The following PRORP variants were observed in gnomAD, a reference collection of about 807,000 sequenced individuals.
PRORP encodes mitochondrial ribonuclease P catalytic subunit.
In PRORP, 51 loss-of-function variants were observed where a neutral mutation model predicts 59.4. The ratio of observed to expected loss-of-function variants is 0.86; its 90% CI spans 0.69 to 1.08. The LOEUF (loss-of-function observed/expected upper bound fraction) is 1.08. Among genes scored for constraint, PRORP ranks in the 50% least tolerant of loss-of-function variants. PRORP has a pLI of 0.00. For synonymous variants in PRORP, 231 were observed against 245.6 expected (o/e 0.94, Z 0.55); for missense variants, 646 against 690.3 (o/e 0.94, Z 0.72).
chr14:35,181,701 C>T (rs1363999056), intron 5 of PRORP, among the ~76,000 whole-genome samples: 1 of 147,644 alleles, frequency 6.8e-6, no homozygotes, highest in African/African-American at 2.5e-5. Flanking sequence ...AGGAGAATTG[C>T]TTGAACCTGG....
At chr14:35,181,222 GT>G (rs923479076) in intron 5 of PRORP, among the ~76,000 whole-genome samples, 45 of 150,732 alleles carry the variant, frequency 3.0e-4, no homozygotes, top group African/African-American at 9.8e-4. Context: ...AACCTAAGCA[GT>G]TTTTTTTTCT....
rs1001938597 is a variant in PRORP at position 35,211,810 on chromosome 14, G to A, written c.1275+31033G>A. On this transcript the variant is annotated intron_variant, in intron 5 of 7. Coordinates refer to ENST00000534898, the MANE Select transcript of PRORP (RefSeq NM_014672.4). ...TGCTGACAGTTGGGGTGGCTGTGGC[G>A]ATTTCTTAAAGATAACAATGAAATT... is the stretch of plus-strand genomic sequence containing the variant. Among the ~76,000 whole-genome samples the A allele has an allele frequency of 1.2e-4, 19 of 152,144 alleles. 1 individual carries two copies. Among genetic ancestry groups the A allele is most frequent in the Non-Finnish European group, 2.2e-4 (15 of 68,000 alleles).
At chr14:35,178,591 C>T (rs529224672) in intron 4 of PRORP, among the ~76,000 whole-genome samples, 1 of 152,180 alleles carries the variant, frequency 6.6e-6, no homozygotes, top group East Asian at 1.9e-4. Context: ...TTTCCATTTG[C>T]TTGGTAGATC....
At chr14:35,256,019 T>C (rs1050683834) in intron 5 of PRORP, among the ~76,000 whole-genome samples, 25 of 151,818 alleles carry the variant, frequency 1.6e-4, no homozygotes, top group Admixed American at 1.2e-3. Flanking sequence ...GGCGCAGTGG[T>C]TCACGCCTGT....
rs1389618441 is a variant in PRORP, at chr14:35,204,842, G to T, written c.1275+24065G>T. On this transcript the variant is annotated intron_variant, in intron 5 of 7. Coordinates refer to ENST00000534898, the MANE Select transcript of PRORP (RefSeq NM_014672.4). The stretch of plus-strand genomic sequence containing the variant: ...ATTTCCAGTTGACTTATTCATAATG[G>T]CCCCAACATCTTTTGCTTTTTTTGT... Among the ~76,000 whole-genome samples, 4 of 152,116 alleles carry T rather than the reference G, an allele frequency of 2.6e-5. No homozygotes were observed. In the South Asian group the frequency reaches 8.3e-4, roughly 32 times the overall value.
At chr14:35,201,670 C>G (rs1313902976) in intron 5 of PRORP, among the ~76,000 whole-genome samples, 1 of 150,078 alleles carries the variant, frequency 6.7e-6, no homozygotes, top group Non-Finnish European at 1.5e-5. Context: ...GAGACTGAGT[C>G]TCACTCTTAT....
intron 4 of PRORP, among the ~76,000 whole-genome samples, chr14:35,171,751 A>G (rs966192115): frequency 6.6e-6 from 1 of 152,150 alleles, no homozygotes; most frequent in South Asian, 2.1e-4. Context: ...TATCCTTTCT[A>G]TCCTCTCCTT....
chr14:35,259,430 G>A (rs2050842552), intron 5 of PRORP, among the ~76,000 whole-genome samples: 1 of 151,916 alleles, frequency 6.6e-6, no homozygotes. Context: ...ATTGGTATAT[G>A]TAGACTTTTT....
At chr14:35,127,385 C>T in intron 3 of PRORP, 94 bp from the exon 4 acceptor site, 2 of 867,004 alleles carry the variant, frequency 2.3e-6, no homozygotes, top group Non-Finnish European at 3.3e-6. Flanking sequence ...TTTTTATTAC[C>T]TTTTAATTTC....
chr14:35,190,772 G>A (rs1429056042), intron 5 of PRORP, among the ~76,000 whole-genome samples: 3 of 151,996 alleles, frequency 2.0e-5, no homozygotes, highest in Admixed American at 2.0e-4. Flanking sequence ...CTAAGTGCTG[G>A]GATTACAGGC....
chr14:35,167,997 C>G (rs1009598703), intron 4 of PRORP, among the ~76,000 whole-genome samples: 1 of 152,122 alleles, frequency 6.6e-6, no homozygotes, highest in Non-Finnish European at 1.5e-5. Context: ...ACACATTTTT[C>G]CCCCATTCAT....
chr14:35,135,818 C>T (rs867441826), intron 4 of PRORP, among the ~76,000 whole-genome samples: 3 of 151,866 alleles, frequency 2.0e-5, no homozygotes, highest in Non-Finnish European at 4.4e-5. Flanking sequence ...ATTAGCTGGT[C>T]GTGGTGGCGT....
intron 4 of PRORP, among the ~76,000 whole-genome samples, chr14:35,161,383 A>G (rs934897944): frequency 6.6e-6 from 1 of 152,152 alleles, no homozygotes; most frequent in African/African-American, 2.4e-5. Context: ...TTTTCTACAC[A>G]TTTCCTTCCA....
intron 4 of PRORP, among the ~76,000 whole-genome samples, chr14:35,173,651 T>G (rs2048373318): frequency 6.6e-6 from 1 of 152,170 alleles, no homozygotes; most frequent in African/African-American, 2.4e-5. Flanking sequence ...CTGTTCCTGC[T>G]GGCCATACTG....
chr14:35,185,482 G>C (rs1313954396), intron 5 of PRORP, among the ~76,000 whole-genome samples: 1 of 152,070 alleles, frequency 6.6e-6, no homozygotes, highest in Non-Finnish European at 1.5e-5. Flanking sequence ...CTAAGACTAA[G>C]GTACAGAATT....
intron 2 of PRORP, among the ~76,000 whole-genome samples, chr14:35,124,909 C>T (rs2047059592): frequency 6.8e-6 from 1 of 147,140 alleles, no homozygotes; most frequent in African/African-American, 2.5e-5. Context: ...GCTCTTGTTG[C>T]CAGGCTAGAG....
intron 6 of PRORP, among the ~76,000 whole-genome samples, chr14:35,267,744 G>A (rs2051080068): frequency 6.6e-6 from 1 of 151,950 alleles, no homozygotes; most frequent in African/African-American, 2.4e-5. Flanking sequence ...TCGCGCCACT[G>A]CACTCCAGCC....
chr14:35,171,853 A>AT (rs1324337041), intron 4 of PRORP, among the ~76,000 whole-genome samples: 2 of 151,892 alleles, frequency 1.3e-5, no homozygotes, highest in South Asian at 2.1e-4. Flanking sequence ...AAATTGTATA[A>AT]TTTTTTGTTG....
chr14:35,136,943 CT>C (rs1414366979), intron 4 of PRORP, among the ~76,000 whole-genome samples: 1 of 145,612 alleles, frequency 6.9e-6, no homozygotes, highest in East Asian at 2.3e-4. Context: ...CAGAAAGAAT[CT>C]ATTCAGTACA....
Sources: allele counts gnomAD v4.1 joint callset (sites outside exome capture counted in the v4.1 genomes callset), GRCh38; gene constraint gnomAD v4.1.1; transcripts MANE v1.5; gene names NCBI Gene and HGNC (gene_info 2026-07-23, HGNC 2026-07-21).